Variants in PLCB4 observed in about 807,000 individuals in gnomAD.
PLCB4 encodes 1-phosphatidylinositol 4,5-bisphosphate phosphodiesterase beta-4.
A neutral mutation model predicts 178.8 loss-of-function variants in PLCB4; 77 were observed. That is an observed-to-expected ratio of 0.43 (90% CI 0.36 to 0.52). The LOEUF (loss-of-function observed/expected upper bound fraction) is 0.52, where lower values mean the gene tolerates loss of function less well. Among genes scored for constraint, PLCB4 ranks in the 20% least tolerant of loss-of-function variants. The probability of loss-of-function intolerance (pLI) is 0.00; values close to 1 mark genes in which losing one functional copy is unlikely to be tolerated. For missense variants in PLCB4, 1,024 were observed against 1,453.4 expected (o/e 0.70, Z 4.80); for synonymous variants, 496 against 490.8 (o/e 1.01, Z -0.14).
chr20:9,355,049 T>G lies in PLCB4; in HGVS notation c.370-7847T>G, dbSNP rs190096714. Among the ~76,000 whole-genome samples the G allele has an allele frequency of 1.6e-4, 24 of 152,320 alleles. No individual in the cohort carries two copies. The Middle Eastern group carries it at 0.017, about 108-fold the overall frequency. Reference sequence around the variant, plus strand: ...ATCTCTAGGGTGAGACCCAGGCTTCTGAAATGTCTTATAATTCCCCCAGGT... The same window carrying G: ...ATCTCTAGGGTGAGACCCAGGCTTCGGAAATGTCTTATAATTCCCCCAGGT... On this transcript the variant is annotated intron_variant, in intron 7 of 39. Transcript: ENST00000378473.
At chr20:9,074,906 G>T (rs1166469112) in intron 1 of PLCB4, among the ~76,000 whole-genome samples, 6 of 150,690 alleles carry the variant, frequency 4.0e-5, no homozygotes, top group Non-Finnish European at 8.8e-5. Context: ...AGAATTAGGG[G>T]TCTCTGGTGT....
intron 2 of PLCB4, among the ~76,000 whole-genome samples, chr20:9,140,091 CT>C (rs2092457638): frequency 6.6e-6 from 1 of 151,978 alleles, no homozygotes; most frequent in South Asian, 2.1e-4. Context: ...TTCAGCTTTG[CT>C]TTTTTGTTTT....
intron 7 of PLCB4, among the ~76,000 whole-genome samples, chr20:9,362,525 T>C (rs2035431577): frequency 6.6e-6 from 1 of 152,228 alleles, no homozygotes; most frequent in South Asian, 2.1e-4. Flanking sequence ...TGAAAATAGT[T>C]AAATATGTCA....
At chr20:9,246,306 A>G (rs2094125396) in intron 3 of PLCB4, among the ~76,000 whole-genome samples, 1 of 152,200 alleles carries the variant, frequency 6.6e-6, no homozygotes, top group Admixed American at 6.5e-5. Context: ...ACCACTATAC[A>G]TACCTTCAAT....
chr20:9,454,158 T>C (rs2042926474), intron 33 of PLCB4, among the ~76,000 whole-genome samples: 1 of 152,232 alleles, frequency 6.6e-6, no homozygotes, highest in Admixed American at 6.5e-5. Context: ...TTGTCTGATA[T>C]TTTCTCATGA....
At chr20:9,333,304 A>AG (rs2031970120) in intron 4 of PLCB4, among the ~76,000 whole-genome samples, 7 of 152,110 alleles carry the variant, frequency 4.6e-5, no homozygotes, top group African/African-American at 1.7e-4. Context: ...TCAGTCAGTA[A>AG]ATCAAGGATC....
At chr20:9,207,269 G>A (rs1175622769) in intron 2 of PLCB4, among the ~76,000 whole-genome samples, 1 of 152,184 alleles carries the variant, frequency 6.6e-6, no homozygotes, top group African/African-American at 2.4e-5. Context: ...TGAACTGTAG[G>A]AGAACATGAA....
chr20:9,395,118 G>A (rs1351186822), intron 18 of PLCB4, among the ~76,000 whole-genome samples: 1 of 151,932 alleles, frequency 6.6e-6, no homozygotes, highest in Non-Finnish European at 1.5e-5. Flanking sequence ...CTGAAGTTTT[G>A]TTGCCAACCT....
intron 2 of PLCB4, among the ~76,000 whole-genome samples, chr20:9,110,293 A>G (rs1220329051): frequency 6.6e-6 from 1 of 152,158 alleles, no homozygotes; most frequent in Non-Finnish European, 1.5e-5. Flanking sequence ...ACTGATTAGC[A>G]TTTATTTCAA....
chr20:9,236,650 G>A (rs2093996587), intron 3 of PLCB4, among the ~76,000 whole-genome samples: 1 of 152,182 alleles, frequency 6.6e-6, no homozygotes, highest in Non-Finnish European at 1.5e-5. Flanking sequence ...GCTGGGAGAT[G>A]TCAGACACCA....
chr20:9,123,800 T>C (rs1412398940), intron 2 of PLCB4, among the ~76,000 whole-genome samples: 1 of 152,064 alleles, frequency 6.6e-6, no homozygotes, highest in African/African-American at 2.4e-5. Flanking sequence ...ATACAAAACC[T>C]GTATAACACA....
intron 2 of PLCB4, among the ~76,000 whole-genome samples, chr20:9,157,193 GAAGC>G (rs2092806730): frequency 6.7e-6 from 1 of 149,414 alleles, no homozygotes; most frequent in East Asian, 2.0e-4. Flanking sequence ...AATTCCCCTG[GAAGC>G]CAAGGACAGA....
chr20:9,397,787 A>G (rs1438754569), intron 19 of PLCB4, among the ~76,000 whole-genome samples: 1 of 152,212 alleles, frequency 6.6e-6, no homozygotes, highest in African/African-American at 2.4e-5. Flanking sequence ...ACTCGTTATT[A>G]TGGTCATCTG....
At chr20:9,342,058 T>G (rs1050836985) in intron 7 of PLCB4, among the ~76,000 whole-genome samples, 4 of 152,148 alleles carry the variant, frequency 2.6e-5, no homozygotes, top group South Asian at 2.1e-4. Flanking sequence ...TGAGTACATT[T>G]TTCCACCAAA....
At chr20:9,354,605 C>T (rs969991598) in intron 7 of PLCB4, among the ~76,000 whole-genome samples, 4 of 152,210 alleles carry the variant, frequency 2.6e-5, no homozygotes, top group African/African-American at 4.8e-5. Flanking sequence ...TCAAGGGAAC[C>T]ACACTTGAGA....
At chr20:9,297,687 A>G (rs967060327) in intron 3 of PLCB4, among the ~76,000 whole-genome samples, 1 of 151,966 alleles carries the variant, frequency 6.6e-6, no homozygotes, top group Non-Finnish European at 1.5e-5. Flanking sequence ...ATTGCTCCCT[A>G]GCTTGAACCA....
intron 4 of PLCB4, among the ~76,000 whole-genome samples, chr20:9,309,820 T>G (rs1262142756): frequency 1.3e-5 from 2 of 152,230 alleles, no homozygotes; most frequent in African/African-American, 2.4e-5. Context: ...GTGTTTTTTT[T>G]GATTATTAAT....
At chr20:9,361,359 A>G (rs2035309750) in intron 7 of PLCB4, among the ~76,000 whole-genome samples, 1 of 152,212 alleles carries the variant, frequency 6.6e-6, no homozygotes, top group Admixed American at 6.5e-5. Context: ...CTTTATGCTA[A>G]GTGAAGAAAG....
At chr20:9,199,186 A>T (rs1189994894) in intron 2 of PLCB4, among the ~76,000 whole-genome samples, 1 of 152,202 alleles carries the variant, frequency 6.6e-6, no homozygotes, top group Non-Finnish European at 1.5e-5. Flanking sequence ...TTCTTTTGGA[A>T]CTATAGGATT....
Sources: gnomAD v4.1 joint callset for allele counts (sites outside exome capture counted in the v4.1 genomes callset) on GRCh38, gnomAD v4.1.1 for gene constraint, MANE v1.5 for transcripts, NCBI Gene and HGNC (gene_info 2026-07-23, HGNC 2026-07-21) for gene names.